The following EYS variants were observed in gnomAD, a reference collection of about 807,000 sequenced individuals.
EYS encodes the protein EGF-like photoreceptor maintenance factor.
EYS carries 250 observed loss-of-function variants against 282.1 expected under a neutral mutation model. That is an observed-to-expected ratio of 0.89 (90% confidence interval 0.80 to 0.98). EYS has a LOEUF of 0.98. EYS is among the 50% of genes least tolerant of loss of function. The probability of loss-of-function intolerance (pLI) is 0.00; values close to 1 mark genes in which losing one functional copy is unlikely to be tolerated. For synonymous variants in EYS, 1,355 were observed against 1,282.9 expected, an observed-to-expected ratio of 1.06 and a Z score of -1.20; for missense variants, 4,016 against 3,709.0, an observed-to-expected ratio of 1.08 and a Z score of -2.15.
chr6:65,209,289 T>G (rs1363748137), intron 12 of EYS, among the ~76,000 whole-genome samples: 2 of 151,702 alleles, frequency 1.3e-5, no homozygotes, highest in Non-Finnish European at 3.0e-5. Context: ...TGTATATTTA[T>G]TACTGGACTC....
intron 11 of EYS, among the ~76,000 whole-genome samples, chr6:65,296,751 G>A (rs985880948): frequency 5.3e-5 from 8 of 151,402 alleles, no homozygotes; most frequent in South Asian, 2.1e-4. Flanking sequence ...AAATTTCGAC[G>A]AGATTTTCCC....
At chr6:65,030,323 A>G (rs1232046100) in intron 13 of EYS, among the ~76,000 whole-genome samples, 1 of 151,964 alleles carries the variant, frequency 6.6e-6, no homozygotes, top group Non-Finnish European at 1.5e-5. Flanking sequence ...TCCTTTGTTG[A>G]CAGACCCTCC....
chr6:65,460,009 A>AG (rs1764769817), intron 5 of EYS, among the ~76,000 whole-genome samples: 1 of 64,310 alleles, frequency 1.6e-5, no homozygotes, highest in African/African-American at 4.8e-5. Context: ...TATATATATA[A>AG]TTTTATTGTA....
intron 5 of EYS, among the ~76,000 whole-genome samples, chr6:65,426,381 T>C (rs1767664053): frequency 6.6e-6 from 1 of 152,104 alleles, no homozygotes; most frequent in African/African-American, 2.4e-5. Flanking sequence ...TAACCTTGCA[T>C]TTAGTGGCTC....
chr6:64,636,732 C>G (rs553457818), intron 22 of EYS, among the ~76,000 whole-genome samples: 2 of 151,856 alleles, frequency 1.3e-5, no homozygotes, highest in South Asian at 4.2e-4. Flanking sequence ...TGAACTCAAA[C>G]AAATTGACAA....
chr6:64,182,877 G>A (rs1764828604), intron 31 of EYS, among the ~76,000 whole-genome samples: 1 of 152,024 alleles, frequency 6.6e-6, no homozygotes, highest in African/African-American at 2.4e-5. Context: ...CCTGTCGCCT[G>A]GCTGCCCCTC....
intron 9 of EYS, among the ~76,000 whole-genome samples, chr6:65,345,611 T>C (rs949758687): frequency 2.0e-5 from 3 of 151,844 alleles, no homozygotes; most frequent in Non-Finnish European, 2.9e-5. Context: ...TTCCAACTAG[T>C]ATTTTTTTAG....
chr6:64,397,716 C>T (rs1485601092), intron 28 of EYS, among the ~76,000 whole-genome samples: 1 of 152,030 alleles, frequency 6.6e-6, no homozygotes, highest in African/African-American at 2.4e-5. Flanking sequence ...AAAGAACACA[C>T]TTTTGGCACT....
chr6:64,789,567 A>G (rs1774122599), intron 22 of EYS, among the ~76,000 whole-genome samples: 1 of 152,152 alleles, frequency 6.6e-6, no homozygotes, highest in African/African-American at 2.4e-5. Context: ...TGTAACCCAT[A>G]CCAAGGTGCC....
At chr6:63,769,727 A>C (rs1263416211) in intron 40 of EYS, among the ~76,000 whole-genome samples, 3 of 152,116 alleles carry the variant, frequency 2.0e-5, no homozygotes, top group Non-Finnish European at 4.4e-5. Flanking sequence ...AATTGCAGAT[A>C]AATTGTTTAG....
At chr6:64,749,801 T>C (rs80278711) in intron 22 of EYS, among the ~76,000 whole-genome samples, 2,969 of 152,178 alleles carry the variant, frequency 0.02, 84 homozygotes, top group African/African-American at 0.066. Flanking sequence ...CACTGTGCCA[T>C]TGTGTCTTTT....
chr6:63,739,059 C>T (rs1375291271), intron 41 of EYS, among the ~76,000 whole-genome samples: 1 of 151,950 alleles, frequency 6.6e-6, no homozygotes, highest in Non-Finnish European at 1.5e-5. Context: ...TTCATTTTTC[C>T]CTGCCTCCCT....
intron 24 of EYS, among the ~76,000 whole-genome samples, chr6:64,614,731 C>A (rs1470696624): frequency 6.6e-6 from 1 of 152,122 alleles, no homozygotes; most frequent in African/African-American, 2.4e-5. Flanking sequence ...TGGGCAAAAT[C>A]ATTCAACCCC....
chr6:64,870,168 T>C (rs1219820636), intron 19 of EYS, among the ~76,000 whole-genome samples: 4 of 151,506 alleles, frequency 2.6e-5, no homozygotes, highest in Non-Finnish European at 5.9e-5. Context: ...ACACTGAAAT[T>C]CCACTTTTAG....
At chr6:65,456,045 GAGAA>G (rs146801266) in intron 5 of EYS, among the ~76,000 whole-genome samples, 1 of 128,376 alleles carries the variant, frequency 7.8e-6, no homozygotes, top group Non-Finnish European at 1.9e-5. Flanking sequence ...AAGAAAGAAA[GAGAA>G]AGAAAGAAAG....
At chr6:64,492,697 C>T (rs957202901) in intron 26 of EYS, among the ~76,000 whole-genome samples, 7 of 151,104 alleles carry the variant, frequency 4.6e-5, no homozygotes, top group African/African-American at 1.5e-4. Context: ...CGGAGATCTA[C>T]AGCTGGAATG....
chr6:65,065,368 G>T (rs1388636523), intron 12 of EYS, among the ~76,000 whole-genome samples: 1 of 151,118 alleles, frequency 6.6e-6, no homozygotes, highest in Non-Finnish European at 1.5e-5. Context: ...AAAGTGATTT[G>T]TCTGGGAAAA....
intron 22 of EYS, among the ~76,000 whole-genome samples, chr6:64,663,019 T>C (rs904835527): frequency 2.6e-5 from 4 of 152,206 alleles, no homozygotes; most frequent in Non-Finnish European, 5.9e-5. Context: ...TGCAGATCTT[T>C]GAATAGGAAT....
In EYS at chr6:65,025,855, G is replaced by C. The variant is rs1046359714; in HGVS notation, c.2138-28152C>G. Among the ~76,000 whole-genome samples the C allele has an allele frequency of 9.2e-5, 14 of 152,258 alleles. No individual in the cohort carries two copies. In the East Asian group the frequency reaches 1.9e-3, roughly 21 times the overall value. ...ATAAAGGGTACACTGGGATACAAAGGAGGACCATTAGAAAAAACTCCCCAG... is the reference window on the plus strand; with the variant it reads ...ATAAAGGGTACACTGGGATACAAAGCAGGACCATTAGAAAAAACTCCCCAG... On this transcript the variant is annotated intron_variant, in intron 13 of 42. Coordinates refer to ENST00000503581, the MANE Select transcript of EYS (RefSeq NM_001142800.2).
Sources: allele counts gnomAD v4.1 joint callset (sites outside exome capture counted in the v4.1 genomes callset), GRCh38; gene constraint gnomAD v4.1.1; transcripts MANE v1.5; gene names NCBI Gene and HGNC (gene_info 2026-07-23, HGNC 2026-07-21).